Variants in SIK3 observed in about 807,000 individuals in gnomAD.
SIK3 encodes serine/threonine-protein kinase SIK3.
A neutral mutation model predicts 144.2 loss-of-function variants in SIK3; 28 were observed. The observed-to-expected ratio is 0.19, with a 90% CI of 0.14 to 0.27. SIK3 has a LOEUF of 0.27. Among genes scored for constraint, SIK3 ranks in the 10% least tolerant of loss-of-function variants. SIK3 has a pLI of 1.00. For synonymous variants in SIK3, 686 were observed against 676.3 expected, an observed-to-expected ratio of 1.01 and a Z score of -0.22; for missense variants, 1,319 against 1,776.0, an observed-to-expected ratio of 0.74 and a Z score of 4.62.
intron 22 of SIK3, among the ~76,000 whole-genome samples, chr11:116,848,468 G>A (rs1942175742): frequency 6.6e-6 from 1 of 152,186 alleles, no homozygotes; most frequent in South Asian, 2.1e-4. Flanking sequence ...TACTAGACTA[G>A]CACCACCCTA....
chr11:117,013,903 G>GTGTGTGTGTGTGTGTGTGTGTGTGT (rs1555127047), intron 1 of SIK3, among the ~76,000 whole-genome samples: 1 of 52,836 alleles, frequency 1.9e-5, no homozygotes, highest in South Asian at 6.3e-4. Context: ...ATTCTGAGGG[G>GTGTGTGTGTGTGTGTGTGTGTGTGT]GGGGGGGGGA....
chr11:117,072,982 G>C (rs550244827), intron 1 of SIK3, among the ~76,000 whole-genome samples: 17 of 152,212 alleles, frequency 1.1e-4, no homozygotes, highest in African/African-American at 4.1e-4. Context: ...AAACTTTACA[G>C]TGGGAGAAGA....
intron 13 of SIK3, among the ~76,000 whole-genome samples, chr11:116,872,652 A>G (rs1944027044): frequency 6.6e-6 from 1 of 152,238 alleles, no homozygotes; most frequent in Non-Finnish European, 1.5e-5. Flanking sequence ...GCAATTTAAC[A>G]GAGTAATTTT....
At chr11:117,023,476 G>T (rs1951858355) in intron 1 of SIK3, among the ~76,000 whole-genome samples, 1 of 148,102 alleles carries the variant, frequency 6.8e-6, no homozygotes, top group Non-Finnish European at 1.5e-5. Context: ...CACAATCACA[G>T]CTCACTGCAC....
chr11:116,987,121 G>C (rs763332148), intron 1 of SIK3, among the ~76,000 whole-genome samples: 7 of 152,036 alleles, frequency 4.6e-5, no homozygotes, highest in Non-Finnish European at 8.8e-5. Context: ...TATATTATGT[G>C]CATTTTACCA....
At chr11:116,934,080 T>C (rs527322706) in intron 3 of SIK3, among the ~76,000 whole-genome samples, 1 of 152,290 alleles carries the variant, frequency 6.6e-6, no homozygotes, top group East Asian at 1.9e-4. Flanking sequence ...ATATTTCAAT[T>C]TCATATTCAC....
chr11:116,898,561 CA>C (rs1250478383), intron 4 of SIK3, among the ~76,000 whole-genome samples: 1 of 152,098 alleles, frequency 6.6e-6, no homozygotes, highest in Non-Finnish European at 1.5e-5. Flanking sequence ...CTGACTTCCA[CA>C]ATGGTGGAAC....
intron 1 of SIK3, among the ~76,000 whole-genome samples, chr11:117,002,254 C>A (rs915046966): frequency 1.3e-5 from 2 of 152,202 alleles, no homozygotes. Flanking sequence ...TGGCCCAACA[C>A]AAATTCATAA....
At chr11:116,879,915 C>T (rs1944461503) in intron 6 of SIK3, among the ~76,000 whole-genome samples, 2 of 152,158 alleles carry the variant, frequency 1.3e-5, no homozygotes, top group South Asian at 4.1e-4. Flanking sequence ...TTATCGTTTG[C>T]AGTTACTTAA....
At chr11:117,083,068 G>A (rs73576658) in intron 1 of SIK3, among the ~76,000 whole-genome samples, 8,522 of 152,164 alleles carry the variant, frequency 0.056, 524 homozygotes, top group African/African-American at 0.15. Context: ...AATTTAATGT[G>A]ACTCCAAAAT....
chr11:116,854,682 C>T (rs996563788), intron 21 of SIK3, among the ~76,000 whole-genome samples: 1 of 152,226 alleles, frequency 6.6e-6, no homozygotes, highest in Non-Finnish European at 1.5e-5. Flanking sequence ...AGCTCCCCCA[C>T]TTGCCTGCAG....
intron 1 of SIK3, among the ~76,000 whole-genome samples, chr11:117,090,961 C>A (rs1253677764): frequency 1.3e-5 from 2 of 152,144 alleles, no homozygotes; most frequent in African/African-American, 4.8e-5. Flanking sequence ...ATAGGTGTAT[C>A]TCGCTTCCCC....
intron 1 of SIK3, among the ~76,000 whole-genome samples, chr11:117,019,410 T>C (rs1054703008): frequency 2.6e-5 from 4 of 152,180 alleles, no homozygotes; most frequent in Non-Finnish European, 4.4e-5. Flanking sequence ...CCAATACAAG[T>C]ACTAATTTTA....
chr11:116,966,292 G>C (rs1949545732), intron 1 of SIK3, among the ~76,000 whole-genome samples: 1 of 152,164 alleles, frequency 6.6e-6, no homozygotes, highest in Non-Finnish European at 1.5e-5. Context: ...GTACTCAGGA[G>C]ACTGAGGTGG....
intron 1 of SIK3, among the ~76,000 whole-genome samples, chr11:117,012,472 T>G (rs1169519849): frequency 6.6e-6 from 1 of 152,200 alleles, no homozygotes; most frequent in Admixed American, 6.5e-5. Context: ...AAGAAGGCTT[T>G]CCATACTTTA....
chr11:116,907,923 C>T (rs973834433), intron 4 of SIK3, among the ~76,000 whole-genome samples: 1 of 151,554 alleles, frequency 6.6e-6, no homozygotes, highest in Admixed American at 6.6e-5. Context: ...CACACTCTAT[C>T]CCCAAATTAA....
In SIK3 at chr11:116,851,146, A is replaced by C. The variant is rs1287261120; in HGVS notation, c.3656-1863T>G. Among the ~76,000 whole-genome samples, 4 of 152,252 alleles carry C rather than the reference A, an allele frequency of 2.6e-5. No homozygotes were observed. The East Asian group carries it at 7.7e-4, about 29-fold the overall frequency. The stretch of plus-strand genomic sequence containing the variant: ...TCAAGGATAGTCAAGAAGACTATCA[A>C]AGCCACACCTATGTTGACAGGATCC... On this transcript the variant is annotated intron_variant, in intron 21 of 24. Coordinates refer to ENST00000445177, the MANE Select transcript of SIK3 (RefSeq NM_001366686.3).
At position 116,850,355 on chromosome 11, in the gene SIK3, C is replaced by T. The variant is rs569938137; in HGVS notation, c.3656-1072G>A. 8.5e-5 allele frequency among the ~76,000 whole-genome samples: 13 copies of T among 152,288 alleles called. No homozygotes were observed. In the East Asian group the frequency reaches 2.5e-3, roughly 29 times the overall value. ...GTCAAATGGGACCACTTAACTGTTC[C>T]CCATCTATGCACAATTCTATGCATT... On this transcript the variant is annotated intron_variant, in intron 21 of 24. Coordinates refer to ENST00000445177, the MANE Select transcript of SIK3 (RefSeq NM_001366686.3).
chr11:117,057,680 T>C (rs997025203), intron 1 of SIK3, among the ~76,000 whole-genome samples: 6 of 152,212 alleles, frequency 3.9e-5, no homozygotes, highest in African/African-American at 7.2e-5. Flanking sequence ...CACAGCAGTT[T>C]AGAACGTGGG....
Sources: gnomAD v4.1 joint callset for allele counts (sites outside exome capture counted in the v4.1 genomes callset) on GRCh38, gnomAD v4.1.1 for gene constraint, MANE v1.5 for transcripts, NCBI Gene and HGNC (gene_info 2026-07-23, HGNC 2026-07-21) for gene names.